NUB1: variants seen among roughly 807,000 people sequenced by gnomAD.
NUB1 encodes the protein negative regulator of ubiquitin like proteins 1.
Under a neutral mutation model 77.1 loss-of-function variants are expected in NUB1, and 41 were observed. The ratio of observed to expected loss-of-function variants is 0.53; its 90% CI spans 0.41 to 0.69. The LOEUF is 0.69. Among genes scored for constraint, NUB1 ranks in the 30% least tolerant of loss-of-function variants. NUB1 has a pLI of 0.00. For synonymous variants in NUB1, 257 were observed against 281.0 expected, an observed-to-expected ratio of 0.91 and a Z score of 0.85; for missense variants, 643 against 743.8, an observed-to-expected ratio of 0.86 and a Z score of 1.58.
chr7:151,351,492 T>G lies in NUB1; in HGVS notation c.344+10T>G, dbSNP rs2150671142. ...GAGAACTGAGGTCCAAGTAAGTATC[T>G]GTGTGCTCTGTGTCCTAGGTGCTCT... is the stretch of plus-strand genomic sequence containing the variant. On this transcript the variant is annotated intron_variant, in intron 4 of 14. Transcript: ENST00000568733. The G allele has an allele frequency of 6.2e-7, 1 of 1,604,672 alleles. No individual in the cohort carries two copies. Among genetic ancestry groups the G allele is most frequent in the East Asian group, 2.2e-5 (1 of 44,846 alleles).
chr7:151,365,795 G>A (rs1242789591), intron 8 of NUB1, among the ~76,000 whole-genome samples: 1 of 152,156 alleles, frequency 6.6e-6, no homozygotes, highest in Non-Finnish European at 1.5e-5. Flanking sequence ...ATACTGCTGT[G>A]ATACATTTTT....
intron 9 of NUB1, 53 bp from the exon 10 acceptor site, chr7:151,367,808 A>G: frequency 8.9e-7 from 1 of 1,120,894 alleles, no homozygotes; most frequent in Admixed American, 2.1e-5. Context: ...AGTATTATAG[A>G]CCTGTAATTA....
intron 2 of NUB1, among the ~76,000 whole-genome samples, chr7:151,347,832 C>T (rs1053823592): frequency 6.6e-6 from 1 of 152,224 alleles, no homozygotes. Context: ...TTTATGCTTA[C>T]ACCATAATTT....
In NUB1 at chr7:151,358,791, G is replaced by A. The variant is rs139182268; in HGVS notation, c.694-1350G>A. ...TTTAAAAATTGTTTTGGGGCCGGGCGCGGTGGCTCACGCCTGTAATCCCAG... is the reference window on the plus strand; with the variant it reads ...TTTAAAAATTGTTTTGGGGCCGGGCACGGTGGCTCACGCCTGTAATCCCAG... On this transcript the variant is annotated intron_variant, in intron 7 of 14. Coordinates refer to ENST00000568733, the MANE Select transcript of NUB1 (RefSeq NM_001243351.2). Among the ~76,000 whole-genome samples the A allele has an allele frequency of 9.1e-4, 137 of 151,346 alleles. 1 individual carries two copies. Among genetic ancestry groups the A allele is most frequent in the African/African-American group, 3.1e-3 (128 of 41,244 alleles).
chr7:151,349,862 TAGA>T (rs1224698573), intron 3 of NUB1, among the ~76,000 whole-genome samples: 1 of 152,090 alleles, frequency 6.6e-6, no homozygotes, highest in Non-Finnish European at 1.5e-5. Context: ...GACAAAGAGA[TAGA>T]AGAAAAGACA....
chr7:151,370,968 C>T (rs1016851858), intron 11 of NUB1, among the ~76,000 whole-genome samples: 7 of 152,186 alleles, frequency 4.6e-5, no homozygotes, highest in African/African-American at 1.4e-4. Context: ...TGTGACCAGC[C>T]GAGAGGCCAC....
At chr7:151,363,564 A>G (rs1202003036) in intron 8 of NUB1, among the ~76,000 whole-genome samples, 3 of 152,136 alleles carry the variant, frequency 2.0e-5, no homozygotes, top group Non-Finnish European at 2.9e-5. Flanking sequence ...GACAGAAACA[A>G]TACTTGAAGA....
At chr7:151,355,010 C>T (rs1796998066) in intron 5 of NUB1, among the ~76,000 whole-genome samples, 2 of 152,208 alleles carry the variant, frequency 1.3e-5, no homozygotes, top group Admixed American at 1.3e-4. Context: ...TGCCAAAGTA[C>T]TGAGATTACA....
chr7:151,375,186 G>GTAAC (rs1355793567), intron 12 of NUB1, among the ~76,000 whole-genome samples: 2 of 152,148 alleles, frequency 1.3e-5, no homozygotes, highest in Non-Finnish European at 2.9e-5. Flanking sequence ...CAGTACTTTT[G>GTAAC]TAACTATGTA....
intron 11 of NUB1, among the ~76,000 whole-genome samples, chr7:151,373,446 G>A (rs990099373): frequency 2.0e-5 from 3 of 152,142 alleles, no homozygotes; most frequent in Admixed American, 6.5e-5. Flanking sequence ...CTCTGCAGCC[G>A]TCCTGCGCTC....
chr7:151,360,137 C>A lies in NUB1; in HGVS notation c.694-4C>A. 1 of 1,465,454 alleles carries A rather than the reference C, an allele frequency of 6.8e-7. No individual in the cohort carries two copies. Among genetic ancestry groups the A allele is most frequent in the Non-Finnish European group, 9.4e-7 (1 of 1,058,242 alleles). The allele number at this position is 1,465,454 out of a possible 1,614,324, so 90.8% of individuals were successfully genotyped here. On this transcript the variant is annotated splice_polypyrimidine_tract_variant and splice_region_variant and intron_variant, in intron 7 of 14. Coordinates refer to ENST00000568733, the MANE Select transcript of NUB1 (RefSeq NM_001243351.2). ...ATGTTTTTTAAATTTGTATTTTTTC[C>A]TAGGCCCTTATGTTAGCTATGGGAT...
chr7:151,356,808 C>T lies in NUB1; in HGVS notation c.693+586C>T, dbSNP rs542792425. On this transcript the variant is annotated intron_variant, in intron 7 of 14. Transcript: ENST00000568733. Reference sequence around the variant, plus strand: ...TCTCAGCTCACTGCAACCTCCGCCTCCTGGGTTCAAGTGATTCTCCTGCCT... The same window carrying T: ...TCTCAGCTCACTGCAACCTCCGCCTTCTGGGTTCAAGTGATTCTCCTGCCT... 6.3e-4 allele frequency among the ~76,000 whole-genome samples: 96 copies of T among 152,314 alleles called. 2 individuals carry two copies. The highest frequency in any genetic ancestry group is 3.4e-3 in the Middle Eastern group (1 of 294).
chr7:151,366,192 T>C (rs913578952), intron 8 of NUB1, among the ~76,000 whole-genome samples: 1 of 152,220 alleles, frequency 6.6e-6, no homozygotes, highest in Non-Finnish European at 1.5e-5. Flanking sequence ...TTCCCTTTGC[T>C]GCGCCTGGGT....
chr7:151,345,044 T>G (rs1367298270), intron 1 of NUB1, among the ~76,000 whole-genome samples: 1 of 152,204 alleles, frequency 6.6e-6, no homozygotes, highest in African/African-American at 2.4e-5. Flanking sequence ...TTTATCTTTC[T>G]CTTATTTTCT....
intron 10 of NUB1, 76 bp downstream of exon 10, chr7:151,368,044 G>A: frequency 1.2e-6 from 1 of 853,710 alleles, no homozygotes; most frequent in Admixed American, 2.6e-5. Flanking sequence ...TTTTAACTTA[G>A]TAGTTTGTGA....
At chr7:151,344,509 A>G (rs1257941836) in intron 1 of NUB1, among the ~76,000 whole-genome samples, 1 of 149,958 alleles carries the variant, frequency 6.7e-6, no homozygotes, top group African/African-American at 2.5e-5. Context: ...TTTAGTAGAG[A>G]TAGGGCTTCA....
At chr7:151,356,367 G>T in intron 7 of NUB1, 145 bp downstream of exon 7, 1 of 676,062 alleles carries the variant, frequency 1.5e-6, no homozygotes, top group South Asian at 1.7e-5. Flanking sequence ...ATGTCACCAC[G>T]TGGTGAGCAC....
In NUB1 at chr7:151,377,283, C is replaced by A; in HGVS notation, c.*58C>A. The stretch of plus-strand genomic sequence containing the variant: ...TATAAATGCTATCATTATGAAAAGG[C>A]TAATGCAGCTCTTTCTGTTCTTACT... On this transcript the variant is annotated 3_prime_UTR_variant, in exon 15 of 15. Coordinates refer to ENST00000568733, the MANE Select transcript of NUB1 (RefSeq NM_001243351.2). The A allele has an allele frequency of 8.7e-7, 1 of 1,151,642 alleles. No homozygotes were observed. The allele number at this position is 1,151,642 out of a possible 1,614,324, so 71.3% of individuals were successfully genotyped here. A position where few individuals can be genotyped will look rare whatever the true frequency, so the allele number is the denominator to read the frequency against.
intron 8 of NUB1, among the ~76,000 whole-genome samples, chr7:151,364,432 C>CA (rs113699534): frequency 5.5e-5 from 8 of 146,690 alleles, no homozygotes; most frequent in Non-Finnish European, 8.9e-5. Context: ...AAAACAAAAA[C>CA]AAAAAAAAAC....
Sources: allele counts gnomAD v4.1 joint callset (sites outside exome capture counted in the v4.1 genomes callset), GRCh38; gene constraint gnomAD v4.1.1; transcripts MANE v1.5; gene names NCBI Gene and HGNC (gene_info 2026-07-23, HGNC 2026-07-21).